The following KCNN3 variants were observed in gnomAD, a reference collection of about 807,000 sequenced individuals.
The protein encoded by KCNN3 is small conductance calcium-activated potassium channel protein 3.
In KCNN3, 16 loss-of-function variants were observed where a neutral mutation model predicts 62.9. The observed-to-expected ratio is 0.25, with a 90% CI of 0.17 to 0.39. The LOEUF is 0.39. KCNN3 is among the 10% of genes least tolerant of loss of function. KCNN3 has a pLI of 1.00. For missense variants in KCNN3, 599 were observed against 949.4 expected (o/e 0.63, Z 4.85); for synonymous variants, 370 against 389.2 (o/e 0.95, Z 0.58).
intron 1 of KCNN3, among the ~76,000 whole-genome samples, chr1:154,852,517 C>T (rs1471425636): frequency 6.6e-6 from 1 of 151,962 alleles, no homozygotes; most frequent in East Asian, 1.9e-4. Flanking sequence ...CCCAGCAAGT[C>T]TGTTCTTTTA....
intron 2 of KCNN3, among the ~76,000 whole-genome samples, chr1:154,814,035 G>T (rs977000376): frequency 1.3e-5 from 2 of 152,252 alleles, no homozygotes; most frequent in Middle Eastern, 3.2e-3. Context: ...CGATCCAAGT[G>T]AAAAGGTGCT....
At chr1:154,760,696 G>A (rs988230624) in intron 3 of KCNN3, among the ~76,000 whole-genome samples, 4 of 152,198 alleles carry the variant, frequency 2.6e-5, no homozygotes, top group South Asian at 2.1e-4. Flanking sequence ...TCTCCCCACC[G>A]GACCCCGCAA....
chr1:154,738,623 A>G (rs559339117), intron 3 of KCNN3, among the ~76,000 whole-genome samples: 158 of 152,332 alleles, frequency 1.0e-3, no homozygotes, highest in Non-Finnish European at 1.7e-3. Flanking sequence ...GCGGAGGACA[A>G]CCCGTCCGGG....
Position 154,870,237 on chromosome 1 carries a change from G to A in KCNN3, c.-273C>T, listed in dbSNP as rs74846943. 71 of 635,446 alleles carry A rather than the reference G, an allele frequency of 1.1e-4. No individual in the cohort carries two copies. The East Asian group carries it at 2.2e-3, about 20-fold the overall frequency. The allele number at this position is 635,446 out of a possible 1,614,324, so 39.4% of individuals were successfully genotyped here. ...AACTCTCTCAGGAGGTGGTCCTCTAGGAGCGTGTGAGGCCAGGCTCAGCTT... is the reference window on the plus strand; with the variant it reads ...AACTCTCTCAGGAGGTGGTCCTCTAAGAGCGTGTGAGGCCAGGCTCAGCTT... On this transcript the variant is annotated 5_prime_UTR_variant, in exon 1 of 8. Transcript: ENST00000271915.
intron 1 of KCNN3, among the ~76,000 whole-genome samples, chr1:154,865,616 AC>A (rs1232078202): frequency 6.6e-6 from 1 of 151,966 alleles, no homozygotes; most frequent in Non-Finnish European, 1.5e-5. Context: ...CGGTTGCTCA[AC>A]CCCCTCACAT....
At chr1:154,796,143 G>A (rs904646512) in intron 2 of KCNN3, among the ~76,000 whole-genome samples, 1 of 152,140 alleles carries the variant, frequency 6.6e-6, no homozygotes, top group Non-Finnish European at 1.5e-5. Flanking sequence ...TGGAGGTGGC[G>A]AATACTGCAA....
chr1:154,762,492 A>AT (rs1460374701), intron 3 of KCNN3, among the ~76,000 whole-genome samples: 3 of 152,020 alleles, frequency 2.0e-5, no homozygotes, highest in East Asian at 1.9e-4. Flanking sequence ...TCTTCAGCCT[A>AT]TTTTTTTCAC....
intron 3 of KCNN3, among the ~76,000 whole-genome samples, chr1:154,766,346 T>C (rs1033035718): frequency 5.4e-5 from 8 of 148,426 alleles, no homozygotes; most frequent in African/African-American, 1.5e-4. Flanking sequence ...CCTCCTCCAT[T>C]ATACATATAT....
chr1:154,749,625 GGGA>G (rs1181420944), intron 3 of KCNN3, among the ~76,000 whole-genome samples: 2 of 152,162 alleles, frequency 1.3e-5, no homozygotes, highest in Admixed American at 1.3e-4. Flanking sequence ...CAGGGCGAGT[GGGA>G]AGAATTCTGA....
rs571875977 is a variant in KCNN3, at chr1:154,704,157, G to A, written c.*3819C>T. ...AATAGCTTGTACATGCTCAGCGCTT[G>A]GAATTTACTTTTGCGTACATTTTCT... On this transcript the variant is annotated 3_prime_UTR_variant, in exon 8 of 8. Transcript: ENST00000271915. The A allele has an allele frequency of 1.7e-4, 26 of 152,310 alleles. No individual in the cohort carries two copies. Among genetic ancestry groups the A allele is most frequent in the African/African-American group, 5.8e-4 (24 of 41,556 alleles). The allele number at this position is 152,310 out of a possible 1,614,324, so 9.4% of individuals were successfully genotyped here. A position where few individuals can be genotyped will look rare whatever the true frequency, so the allele number is the denominator to read the frequency against.
rs1699763700 is a variant in KCNN3 at position 154,697,455 on chromosome 1, T to A, written c.*10521A>T. The stretch of plus-strand genomic sequence containing the variant: ...AATTAAAGGAAATCAGTCACTTGCA[T>A]TTTTGGTTTTTTGGTTTTAGTCAGT... On this transcript the variant is annotated 3_prime_UTR_variant, in exon 8 of 8. Transcript: ENST00000271915. 2 of 152,026 alleles carry A rather than the reference T, an allele frequency of 1.3e-5. No individual in the cohort carries two copies. Among genetic ancestry groups the A allele is most frequent in the South Asian group, 4.2e-4 (2 of 4,808 alleles). The allele number at this position is 152,026 out of a possible 1,614,324, so 9.4% of individuals were successfully genotyped here.
chr1:154,836,565 T>C (rs565236243), intron 1 of KCNN3, among the ~76,000 whole-genome samples: 207 of 152,334 alleles, frequency 1.4e-3, no homozygotes, highest in African/African-American at 4.5e-3. Context: ...GAGTCTCAGC[T>C]GGGAACTGGG....
At chr1:154,748,145 G>A (rs1303757152) in intron 3 of KCNN3, among the ~76,000 whole-genome samples, 1 of 152,152 alleles carries the variant, frequency 6.6e-6, no homozygotes, top group Non-Finnish European at 1.5e-5. Flanking sequence ...GGAAAGTGAC[G>A]TTTAAACCTG....
intron 3 of KCNN3, among the ~76,000 whole-genome samples, chr1:154,754,168 C>T (rs563806911): frequency 6.6e-6 from 1 of 152,164 alleles, no homozygotes; most frequent in African/African-American, 2.4e-5. Flanking sequence ...ACTTAATCTT[C>T]TAGAGGGAGC....
chr1:154,816,109 T>C (rs1650651999), intron 2 of KCNN3, among the ~76,000 whole-genome samples: 1 of 152,234 alleles, frequency 6.6e-6, no homozygotes, highest in Admixed American at 6.5e-5. Context: ...CACTTTTATA[T>C]ACCTAATAAA....
intron 3 of KCNN3, among the ~76,000 whole-genome samples, chr1:154,751,531 G>A (rs1647379866): frequency 6.6e-6 from 1 of 152,208 alleles, no homozygotes; most frequent in African/African-American, 2.4e-5. Context: ...ACTTCTGATG[G>A]CTCCTAACCC....
chr1:154,861,974 C>T (rs1487274412), intron 1 of KCNN3, among the ~76,000 whole-genome samples: 5 of 152,182 alleles, frequency 3.3e-5, no homozygotes, highest in African/African-American at 9.7e-5. Context: ...GGCCTTTTCT[C>T]GGCACTCACT....
intron 5 of KCNN3, among the ~76,000 whole-genome samples, chr1:154,725,540 TC>T (rs34331145): frequency 0.83 from 122,620 of 148,348 alleles, 50,844 homozygotes; most frequent in Admixed American, 0.85. Context: ...CTTCCTTCCT[TC>T]CTTCTTTTTT....
At chr1:154,865,417 G>A (rs1558013404) in intron 1 of KCNN3, among the ~76,000 whole-genome samples, 1 of 151,890 alleles carries the variant, frequency 6.6e-6, no homozygotes, top group Non-Finnish European at 1.5e-5. Flanking sequence ...AGCCCACTGG[G>A]GCCATCTCAG....
Sources: allele counts gnomAD v4.1 joint callset (sites outside exome capture counted in the v4.1 genomes callset), GRCh38; gene constraint gnomAD v4.1.1; transcripts MANE v1.5; gene names NCBI Gene and HGNC (gene_info 2026-07-23, HGNC 2026-07-21).